Variants in CAST observed in about 807,000 individuals in gnomAD.
CAST encodes MIR583 host.
Under a neutral mutation model 119.6 loss-of-function variants are expected in CAST, and 76 were observed. The observed-to-expected ratio is 0.64, with a 90% CI of 0.53 to 0.77. The LOEUF (loss-of-function observed/expected upper bound fraction) is 0.77, where lower values mean the gene tolerates loss of function less well. CAST is among the 30% of genes least tolerant of loss of function. CAST has a pLI of 0.00. For synonymous variants in CAST, 319 were observed against 331.6 expected (o/e 0.96, Z 0.41); for missense variants, 953 against 946.5 (o/e 1.01, Z -0.09).
chr5:96,504,468 T>G, the CAST span, among the ~76,000 whole-genome samples: 1 of 152,146 alleles, frequency 6.6e-6, no homozygotes, highest in Non-Finnish European at 1.5e-5. Context: ...AATTTCCTCA[T>G]GAGCAGATTT....
rs1458443929 is a variant in CAST at position 96,572,425 on chromosome 5, T to C, written c.60+42545T>C. On this transcript the variant is annotated intron_variant, in intron 1 of 11. Transcript: ENST00000505143. ...CATGTTGGCCAGGCTGGTCTCGAAC[T>C]CCTGACCTCAGGTGATCTGCCCACC... Among the ~76,000 whole-genome samples, 4 of 152,338 alleles carry C rather than the reference T, an allele frequency of 2.6e-5. No individual in the cohort carries two copies. The East Asian group carries it at 7.7e-4, about 29-fold the overall frequency.
the CAST span, among the ~76,000 whole-genome samples, chr5:96,139,204 T>C: frequency 2.0e-5 from 3 of 151,976 alleles, no homozygotes; most frequent in Admixed American, 2.0e-4. Context: ...ATTTTATGCT[T>C]ATTTAGTTTA....
chr5:96,681,486 C>A (rs1344228171), intron 2 of CAST, among the ~76,000 whole-genome samples: 1 of 152,022 alleles, frequency 6.6e-6, no homozygotes, highest in African/African-American at 2.4e-5. Context: ...GTAATCCCAG[C>A]ACTTTGGGAG....
chr5:96,750,714 C>CA (rs1383576580), intron 20 of CAST, 32 bp downstream of exon 20: 1 of 1,373,358 alleles, frequency 7.3e-7, no homozygotes, highest in Non-Finnish European at 1.0e-6. Flanking sequence ...TGAGCAGTGG[C>CA]TTGAGAAAGT....
Position 96,765,316 on chromosome 5 carries a change from T to G in CAST, c.2028T>G (p.Asp676Glu). ...CAGATGAGAACAAACCAATGGAAGA[T>G]AAAGTAAAGGTAAAAAAAAAAAAAA... ...PDPDENKPME[D>E]KVKEKAKAEH... Residue 676 changes from aspartate (D) to glutamate (E), a missense_variant, in exon 26 of 32, where the codon GAT (aspartate) becomes GAG (glutamate). Coordinates refer to ENST00000675179, the MANE Select transcript of CAST (RefSeq NM_001750.7). The G allele has an allele frequency of 1.2e-6, 1 of 830,212 alleles. No individual in the cohort carries two copies. The highest frequency in any genetic ancestry group is 2.4e-5 in the South Asian group (1 of 42,114). The allele number at this position is 830,212 out of a possible 1,614,324, so 51.4% of individuals were successfully genotyped here.
At chr5:95,968,468 A>G in the CAST span, among the ~76,000 whole-genome samples, 13 of 152,324 alleles carry the variant, frequency 8.5e-5, no homozygotes, top group Admixed American at 5.2e-4. Context: ...CAGTTGATAT[A>G]TCTTTGTTTT....
intron 3 of CAST, among the ~76,000 whole-genome samples, chr5:96,698,759 CAG>C (rs1753580303): frequency 6.6e-6 from 1 of 152,110 alleles, no homozygotes; most frequent in Non-Finnish European, 1.5e-5. Flanking sequence ...AAAGGCGTGA[CAG>C]AGTGGTAGAT....
the CAST span, among the ~76,000 whole-genome samples, chr5:96,074,301 C>A: frequency 6.6e-6 from 1 of 152,190 alleles, no homozygotes; most frequent in African/African-American, 2.4e-5. Flanking sequence ...AGCTCTAACA[C>A]CCCCAGTGTG....
chr5:96,008,478 A>T, the CAST span, among the ~76,000 whole-genome samples: 20 of 152,078 alleles, frequency 1.3e-4, no homozygotes, highest in African/African-American at 4.8e-4. Flanking sequence ...TTTTTCTGGT[A>T]ACTATTCCTC....
the CAST span, among the ~76,000 whole-genome samples, chr5:96,176,125 C>CATA: frequency 6.6e-6 from 1 of 152,098 alleles, no homozygotes; most frequent in African/African-American, 2.4e-5. Flanking sequence ...TTTTCCCAGG[C>CATA]CCAGGGAATA....
the CAST span, among the ~76,000 whole-genome samples, chr5:96,205,288 G>A: frequency 1.3e-5 from 2 of 151,964 alleles, no homozygotes; most frequent in African/African-American, 4.8e-5. Context: ...TTTATGAATT[G>A]TGCCTCTGGT....
the CAST span, among the ~76,000 whole-genome samples, chr5:96,449,416 G>A: frequency 6.6e-6 from 1 of 152,128 alleles, no homozygotes; most frequent in Non-Finnish European, 1.5e-5. Flanking sequence ...AGAATCTAAT[G>A]TCTGATGATC....
the CAST span, among the ~76,000 whole-genome samples, chr5:96,376,064 T>TTTTTC: frequency 2.6e-5 from 4 of 151,426 alleles, no homozygotes; most frequent in African/African-American, 9.7e-5. Flanking sequence ...TACTCATTTT[T>TTTTTC]TTTTCTTTTC....
At chr5:96,377,173 T>A in the CAST span, among the ~76,000 whole-genome samples, 3 of 151,934 alleles carry the variant, frequency 2.0e-5, no homozygotes, top group Non-Finnish European at 4.4e-5. Flanking sequence ...ATTAAAATTT[T>A]AATTTTTAAT....
the CAST span, among the ~76,000 whole-genome samples, chr5:95,965,784 T>C: frequency 6.6e-6 from 1 of 152,240 alleles, no homozygotes; most frequent in East Asian, 1.9e-4. Flanking sequence ...TTAAAAGTAC[T>C]TCAGCAGATA....
the CAST span, among the ~76,000 whole-genome samples, chr5:96,283,492 C>T: frequency 1.3e-5 from 2 of 152,312 alleles, no homozygotes; most frequent in Admixed American, 6.5e-5. Context: ...TTTCACAAGA[C>T]GGATCCAAAC....
At chr5:96,273,703 T>C in the CAST span, among the ~76,000 whole-genome samples, 1 of 152,218 alleles carries the variant, frequency 6.6e-6, no homozygotes, top group Non-Finnish European at 1.5e-5. Context: ...AATGAAAATA[T>C]CTAATTCAGG....
chr5:96,049,349 A>T, the CAST span, among the ~76,000 whole-genome samples: 3 of 152,200 alleles, frequency 2.0e-5, no homozygotes, highest in Non-Finnish European at 2.9e-5. Flanking sequence ...ATGGGCAATA[A>T]CACCTCCTGG....
At chr5:96,032,404 C>T in the CAST span, among the ~76,000 whole-genome samples, 1 of 152,008 alleles carries the variant, frequency 6.6e-6, no homozygotes, top group African/African-American at 2.4e-5. Flanking sequence ...AGTTCTAGGC[C>T]CTTACTACCT....
Sources: gnomAD v4.1 joint callset for allele counts (sites outside exome capture counted in the v4.1 genomes callset) on GRCh38, gnomAD v4.1.1 for gene constraint, MANE v1.5 for transcripts, NCBI Gene and HGNC (gene_info 2026-07-23, HGNC 2026-07-21) for gene names.